PSKH2: variants seen among roughly 807,000 people sequenced by gnomAD.
PSKH2 encodes protein serine kinase H2, also known as serine/threonine-protein kinase H2.
PSKH2 carries 16 observed loss-of-function variants against 22.5 expected under a neutral mutation model. The ratio of observed to expected loss-of-function variants is 0.71; its 90% CI spans 0.48 to 1.08. The LOEUF (loss-of-function observed/expected upper bound fraction) is 1.08. Ranked by LOEUF, PSKH2 falls within the 50% of genes least tolerant of loss-of-function variation. The probability of loss-of-function intolerance (pLI) is 0.00; values close to 1 mark genes in which losing one functional copy is unlikely to be tolerated. For synonymous variants in PSKH2, 188 were observed against 184.8 expected, an observed-to-expected ratio of 1.02 and a Z score of -0.14; for missense variants, 516 against 492.8, an observed-to-expected ratio of 1.05 and a Z score of -0.44.
In PSKH2 at chr8:86,051,921, G is replaced by C. The variant is rs989873884; in HGVS notation, c.853-3154C>G. ...ATTCCTGAGCCATAAAGGACAACTG[G>C]AGAGTATCTAGGAGTCAATTTCACA... On this transcript the variant is annotated intron_variant, in intron 2 of 2. Coordinates refer to ENST00000276616, the MANE Select transcript of PSKH2 (RefSeq NM_033126.3). 3.3e-5 allele frequency among the ~76,000 whole-genome samples: 5 copies of C among 152,308 alleles called. No individual in the cohort carries two copies. In the South Asian group the frequency reaches 1.0e-3, roughly 32 times the overall value.
intron 2 of PSKH2, among the ~76,000 whole-genome samples, chr8:86,054,651 T>C (rs961548512): frequency 6.6e-6 from 1 of 152,206 alleles, no homozygotes; most frequent in South Asian, 2.1e-4. Flanking sequence ...CATTGACTAA[T>C]TATGTCAGAA....
chr8:86,067,322 C>A (rs1817879175), intron 1 of PSKH2, among the ~76,000 whole-genome samples: 1 of 151,534 alleles, frequency 6.6e-6, no homozygotes, highest in Non-Finnish European at 1.5e-5. Context: ...GAATGGTGAC[C>A]AACTTTATGA....
At chr8:86,069,374 G>C in intron 1 of PSKH2, 64 bp downstream of exon 1, 11 of 1,440,702 alleles carry the variant, frequency 7.6e-6, no homozygotes, top group Non-Finnish European at 1.0e-5. Flanking sequence ...CCTCGAGGCG[G>C]TCTTGGCCAG....
intron 1 of PSKH2, 124 bp downstream of exon 1, chr8:86,069,314 G>C (rs184834016): frequency 6.2e-6 from 5 of 810,492 alleles, no homozygotes; most frequent in African/African-American, 1.8e-5. Context: ...GGAGATCAGT[G>C]CCTATCATCC....
intron 1 of PSKH2, among the ~76,000 whole-genome samples, chr8:86,068,843 C>T (rs2130176218): frequency 6.6e-6 from 1 of 152,244 alleles, no homozygotes; most frequent in Non-Finnish European, 1.5e-5. Context: ...CCCCCACCCC[C>T]CACCTCCGAA....
chr8:86,069,127 G>C (rs1450134541), intron 1 of PSKH2, among the ~76,000 whole-genome samples: 2 of 152,154 alleles, frequency 1.3e-5, no homozygotes, highest in Non-Finnish European at 2.9e-5. Context: ...TGGTCAATGA[G>C]ATCTGTGTTT....
intron 2 of PSKH2, among the ~76,000 whole-genome samples, chr8:86,050,963 G>C (rs1817622110): frequency 6.6e-6 from 1 of 151,922 alleles, no homozygotes; most frequent in Non-Finnish European, 1.5e-5. Flanking sequence ...GGCTGGACTT[G>C]AACTCCTCCT....
At chr8:86,069,732 A>C, upstream of PSKH2, 1 of 1,270,700 alleles carries the variant, frequency 7.9e-7, no homozygotes, top group Non-Finnish European at 1.0e-6. Context: ...CCTCGGAAAG[A>C]AACCCCACTG....
rs751670455 is a variant in PSKH2 at position 86,069,657 on chromosome 8, G to A, written c.-35C>T. 6.7e-7 allele frequency: 1 copy of A among 1,490,922 alleles called. No individual in the cohort carries two copies. 92.4% of individuals were successfully genotyped at this position (1,490,922 alleles called of 1,614,324 possible). On this transcript the variant is annotated 5_prime_UTR_variant, in exon 1 of 3. Transcript: ENST00000276616. ...ACGCCCGCCGCTCGCGGGACCTGGG[G>A]ACTCGGGAAGCAGCCAGCCCCGTTC...
chr8:86,061,695 T>C (rs1817779281), intron 2 of PSKH2, among the ~76,000 whole-genome samples: 1 of 152,130 alleles, frequency 6.6e-6, no homozygotes, highest in Admixed American at 6.5e-5. Flanking sequence ...GAGAAAGGCC[T>C]AGGAGTCCCA....
chr8:86,052,006 T>C (rs1817637382), intron 2 of PSKH2, among the ~76,000 whole-genome samples: 3 of 152,214 alleles, frequency 2.0e-5, no homozygotes, highest in Non-Finnish European at 4.4e-5. Flanking sequence ...TTTCTTTTAT[T>C]AATCTAAAAT....
intron 1 of PSKH2, among the ~76,000 whole-genome samples, chr8:86,065,651 T>G (rs1050536475): frequency 2.0e-5 from 3 of 152,184 alleles, no homozygotes; most frequent in African/African-American, 7.2e-5. Context: ...ATCTTAAGCT[T>G]TAATTATCTG....
Position 86,047,335 on chromosome 8 carries a change from A to G in PSKH2, c.*1127T>C, listed in dbSNP as rs1203025249. Among the ~76,000 whole-genome samples, 2 of 152,150 alleles carry G rather than the reference A, an allele frequency of 1.3e-5. No individual in the cohort carries two copies. Among genetic ancestry groups the G allele is most frequent in the African/African-American group, 4.8e-5 (2 of 41,446 alleles). On this transcript the variant is annotated 3_prime_UTR_variant, in exon 3 of 3. Transcript: ENST00000276616. ...GATACAGCATTACAACATAAAAAGA[A>G]AATAGTTGTGTCACTAATTACATAT...
At chr8:86,063,777 C>G (rs771374744) in intron 2 of PSKH2, among the ~76,000 whole-genome samples, 188 bp downstream of exon 2, 2 of 152,166 alleles carry the variant, frequency 1.3e-5, no homozygotes, top group African/African-American at 2.4e-5. Context: ...TGTCTGGAGA[C>G]ATTTGGGGGC....
chr8:86,063,953 A>G lies in PSKH2; in HGVS notation c.852+12T>C. The G allele has an allele frequency of 6.3e-7, 1 of 1,586,870 alleles. No homozygotes were observed. Reference sequence around the variant, plus strand: ...AAACCAACACAATAGAAATAAAATAATGCTCTCTTACCTCTCCTGTATAAT... The same window carrying G: ...AAACCAACACAATAGAAATAAAATAGTGCTCTCTTACCTCTCCTGTATAAT... On this transcript the variant is annotated intron_variant, in intron 2 of 2. Transcript: ENST00000276616.
rs1391136174 is a variant in PSKH2, at chr8:86,048,548, TA to T, written c.1071del (p.Lys358SerfsTer17). On this transcript the variant is annotated frameshift_variant, in exon 3 of 3. Transcript: ENST00000276616. LOFTEE classifies it low-confidence loss of function (END_TRUNC). The part of the protein sequence containing the change: ...HSQSPGSAQS[S>X]KSHYSHKSRH... ...CTGGATTTGTGAGAATAATGTGACT[TA>T]GAAGACTGTGCAGATCCAGGACTCT... is the stretch of plus-strand genomic sequence containing the variant. 6.2e-6 allele frequency: 10 copies of T among 1,614,122 alleles called. No individual in the cohort carries two copies. Among genetic ancestry groups the T allele is most frequent in the Non-Finnish European group, 7.6e-6 (9 of 1,179,992 alleles).
chr8:86,067,966 A>G (rs182943348), intron 1 of PSKH2, among the ~76,000 whole-genome samples: 38 of 152,274 alleles, frequency 2.5e-4, no homozygotes, highest in Middle Eastern at 3.4e-3. Context: ...TGATGCCTTT[A>G]CACTCTATGG....
chr8:86,069,489 C>T lies in PSKH2; in HGVS notation c.134G>A (p.Arg45Lys), dbSNP rs757858423. The T allele has an allele frequency of 1.2e-6, 2 of 1,609,472 alleles. No homozygotes were observed. Among genetic ancestry groups the T allele is most frequent in the African/African-American group, 1.3e-5 (1 of 74,770 alleles). ...GGCTCGGAAGCGAGCCACCTGTATC[C>T]TCTGCGCCGCCTGGGCCGCCGCCTC... ...GPEAAAQAAQ[R>K]IQVARFRAKF... Residue 45 changes from arginine (R) to lysine (K), a missense_variant, in exon 1 of 3, where the codon AGG (arginine) becomes AAG (lysine). Transcript: ENST00000276616.
intron 2 of PSKH2, among the ~76,000 whole-genome samples, chr8:86,058,946 A>AT (rs869134424): frequency 1.2e-4 from 16 of 138,718 alleles, no homozygotes; most frequent in Non-Finnish European, 4.9e-5. Context: ...ATTTTATTTT[A>AT]TTTATTTTTT....
Sources: gnomAD v4.1 joint callset for allele counts (sites outside exome capture counted in the v4.1 genomes callset) on GRCh38, gnomAD v4.1.1 for gene constraint, MANE v1.5 for transcripts, NCBI Gene and HGNC (gene_info 2026-07-23, HGNC 2026-07-21) for gene names.